The following EFCAB6 variants were observed in gnomAD, a reference collection of about 807,000 sequenced individuals.
EFCAB6 encodes the protein EF-hand calcium-binding domain-containing protein 6.
Under a neutral mutation model 169.8 loss-of-function variants are expected in EFCAB6, and 156 were observed. That is an observed-to-expected ratio of 0.92 (90% CI 0.81 to 1.05). EFCAB6 has a LOEUF of 1.05. EFCAB6 is among the 50% of genes least tolerant of loss of function. EFCAB6 has a pLI of 0.00. For missense variants in EFCAB6, 1,800 were observed against 1,829.1 expected, an observed-to-expected ratio of 0.98 and a Z score of 0.29; for synonymous variants, 698 against 676.4, an observed-to-expected ratio of 1.03 and a Z score of -0.50.
At chr22:43,641,194 G>C (rs1026680636) in intron 17 of EFCAB6, among the ~76,000 whole-genome samples, 2 of 152,192 alleles carry the variant, frequency 1.3e-5, no homozygotes, top group African/African-American at 4.8e-5. Context: ...CGGAACAGCT[G>C]GCAACACTCA....
intron 26 of EFCAB6, among the ~76,000 whole-genome samples, chr22:43,562,231 C>A (rs1282437143): frequency 6.6e-6 from 1 of 152,186 alleles, no homozygotes; most frequent in African/African-American, 2.4e-5. Flanking sequence ...GACAGCCCAC[C>A]ACTACCAGAA....
intron 2 of EFCAB6, among the ~76,000 whole-genome samples, chr22:43,789,883 A>ACACACACACAC (rs61135895): frequency 7.9e-5 from 12 of 151,032 alleles, no homozygotes; most frequent in South Asian, 4.2e-4. Context: ...ACACACACAC[A>ACACACACACAC]AAAGTCTTCC....
At chr22:43,559,502 CCATTA>C (rs1427269753) in intron 26 of EFCAB6, among the ~76,000 whole-genome samples, 1 of 152,082 alleles carries the variant, frequency 6.6e-6, no homozygotes, top group Admixed American at 6.5e-5. Context: ...CCCAGCAATC[CCATTA>C]CTGGGTATAT....
At position 43,548,539 on chromosome 22, in the gene EFCAB6, C is replaced by CAAAAAAAAAAAAAAAAAAAAAAA. The variant is rs397868076; in HGVS notation, c.3648+6307_3648+6329dup. On this transcript the variant is annotated intron_variant, in intron 27 of 31. Transcript: ENST00000262726. The stretch of plus-strand genomic sequence containing the variant: ...TGGGTGACAGAGCGAGAATCCATCT[C>CAAAAAAAAAAAAAAAAAAAAAAA]AAAAAAAAAAAAAAAAAAAAAAAAA... 1.9e-4 allele frequency among the ~76,000 whole-genome samples: 7 copies of CAAAAAAAAAAAAAAAAAAAAAAA among 36,750 alleles called. 1 individual carries two copies. The highest frequency in any genetic ancestry group is 1.0e-3 in the Admixed American group (2 of 1,998). The allele number at this position is 36,750 out of a possible 152,430, so 24.1% of individuals were successfully genotyped here.
rs62232048 is a variant in EFCAB6 at position 43,530,978 on chromosome 22, A to G, written c.4234-14T>C. ...GCCGGCTTCTTTCTAGACACAAGAC[A>G]AGAAGGGGTGAGGAGGGAGCTTTTG... On this transcript the variant is annotated splice_polypyrimidine_tract_variant and intron_variant, in intron 30 of 31. Transcript: ENST00000262726. 114 of 1,438,562 alleles carry G rather than the reference A, an allele frequency of 7.9e-5. No homozygotes were observed. Among genetic ancestry groups the G allele is most frequent in the Non-Finnish European group, 1.0e-4 (109 of 1,040,642 alleles). The allele number at this position is 1,438,562 out of a possible 1,614,324, so 89.1% of individuals were successfully genotyped here. A position where few individuals can be genotyped will look rare whatever the true frequency, so the allele number is the denominator to read the frequency against.
In EFCAB6 at chr22:43,735,806, T is replaced by C. The variant is rs371568120; in HGVS notation, c.644+51A>G. The C allele has an allele frequency of 1.1e-4, 180 of 1,597,048 alleles. No homozygotes were observed. In the East Asian group the frequency reaches 1.4e-3, roughly 13 times the overall value. On this transcript the variant is annotated intron_variant, in intron 7 of 31. Coordinates refer to ENST00000262726, the MANE Select transcript of EFCAB6 (RefSeq NM_022785.4). ...GAACCCAACAGGTCTCATTCTGAAA[T>C]TGGTTAAAAGTTCTACTGAGCAATC...
intron 15 of EFCAB6, among the ~76,000 whole-genome samples, chr22:43,670,982 T>C (rs768218106): frequency 1.3e-5 from 2 of 152,182 alleles, no homozygotes; most frequent in Non-Finnish European, 2.9e-5. Context: ...ATCACAACTC[T>C]AGTAAGAAAT....
chr22:43,556,808 T>C (rs960818131), intron 26 of EFCAB6, among the ~76,000 whole-genome samples: 2 of 152,252 alleles, frequency 1.3e-5, no homozygotes, highest in South Asian at 2.1e-4. Flanking sequence ...ACGGAGCTTC[T>C]ATACATCTTC....
chr22:43,529,294 G>T (rs2046918631), intron 31 of EFCAB6, among the ~76,000 whole-genome samples: 1 of 152,234 alleles, frequency 6.6e-6, no homozygotes, highest in Admixed American at 6.5e-5. Context: ...GGCTCAAGGG[G>T]AGACCTGGCC....
At chr22:43,783,085 T>C (rs967237010) in intron 2 of EFCAB6, among the ~76,000 whole-genome samples, 2 of 152,166 alleles carry the variant, frequency 1.3e-5, no homozygotes, top group Non-Finnish European at 2.9e-5. Flanking sequence ...CTTATCATTA[T>C]TTGACCTGAT....
intron 21 of EFCAB6, among the ~76,000 whole-genome samples, chr22:43,611,836 A>C (rs2053329705): frequency 6.6e-6 from 1 of 152,166 alleles, no homozygotes; most frequent in African/African-American, 2.4e-5. Flanking sequence ...TATGGAACCA[A>C]AAAGAGTCTA....
chr22:43,666,516 C>A (rs148355658), intron 17 of EFCAB6, among the ~76,000 whole-genome samples: 1 of 152,120 alleles, frequency 6.6e-6, no homozygotes, highest in Admixed American at 6.6e-5. Flanking sequence ...TTAAAAATAG[C>A]TGAGGATGAT....
Position 43,668,999 on chromosome 22 carries a change from T to C in EFCAB6, c.1687A>G (p.Lys563Glu), listed in dbSNP as rs1317583048. 2 of 1,612,198 alleles carry C rather than the reference T, an allele frequency of 1.2e-6. No individual in the cohort carries two copies. The highest frequency in any genetic ancestry group is 1.3e-5 in the African/African-American group (1 of 75,014). Residue 563 changes from lysine (K) to glutamate (E), a missense_variant, in exon 16 of 32, where the codon AAG becomes GAG. Transcript: ENST00000262726. ...ATTCCTATGCATGCCAAAAGTTTCT[T>C]GTAAAGGATTCTTCCTGAACCAATG... ...QDIGSGRILY[K>E]KLLACIGIDG...
chr22:43,658,994 G>T (rs989782350), intron 17 of EFCAB6, among the ~76,000 whole-genome samples: 7 of 152,206 alleles, frequency 4.6e-5, no homozygotes, highest in Admixed American at 2.6e-4. Context: ...TTTGCTCCGT[G>T]TGCTGAATCT....
At chr22:43,591,119 TTTTTG>T (rs1215939841) in intron 23 of EFCAB6, among the ~76,000 whole-genome samples, 8 of 134,936 alleles carry the variant, frequency 5.9e-5, no homozygotes, top group African/African-American at 1.9e-4. Flanking sequence ...TTGTTTTTTT[TTTTTG>T]TTTTTTTTTT....
chr22:43,725,893 A>T (rs2059708661), intron 8 of EFCAB6, among the ~76,000 whole-genome samples: 1 of 152,244 alleles, frequency 6.6e-6, no homozygotes. Context: ...AAGTTATAGG[A>T]TAAGTATTCA....
chr22:43,634,131 C>T (rs1476605048), intron 18 of EFCAB6, among the ~76,000 whole-genome samples: 1 of 152,136 alleles, frequency 6.6e-6, no homozygotes, highest in Non-Finnish European at 1.5e-5. Flanking sequence ...GGGCAAGTGA[C>T]CTATGCACCC....
chr22:43,636,431 T>A (rs1212343295), intron 17 of EFCAB6, among the ~76,000 whole-genome samples: 2 of 152,024 alleles, frequency 1.3e-5, no homozygotes, highest in East Asian at 3.9e-4. Context: ...AGGCACTGTG[T>A]GGGGCTCTGT....
At chr22:43,781,277 AGC>A (rs2061814430) in intron 3 of EFCAB6, among the ~76,000 whole-genome samples, 1 of 152,226 alleles carries the variant, frequency 6.6e-6, no homozygotes, top group Non-Finnish European at 1.5e-5. Context: ...TGCTTACGGC[AGC>A]TTCACTTACA....
Sources: allele counts gnomAD v4.1 joint callset (sites outside exome capture counted in the v4.1 genomes callset), GRCh38; gene constraint gnomAD v4.1.1; transcripts MANE v1.5; gene names NCBI Gene and HGNC (gene_info 2026-07-23, HGNC 2026-07-21).